NRXN1: variants seen among roughly 807,000 people sequenced by gnomAD.
NRXN1 encodes the protein neurexin 1, also known as neurexin-1.
A neutral mutation model predicts 150.9 loss-of-function variants in NRXN1; 39 were observed. That is an observed-to-expected ratio of 0.26 (90% CI 0.20 to 0.34). The LOEUF is 0.34. NRXN1 is among the 10% of genes least tolerant of loss of function. The pLI is 1.00. For synonymous variants in NRXN1, 924 were observed against 757.0 expected (o/e 1.22, Z -3.62); for missense variants, 1,815 against 1,949.9 (o/e 0.93, Z 1.30).
At chr2:50,829,968 C>T (rs568101044) in intron 5 of NRXN1, among the ~76,000 whole-genome samples, 24 of 120,330 alleles carry the variant, frequency 2.0e-4, no homozygotes, top group East Asian at 7.6e-4. Context: ...CAGGAGAAAC[C>T]GCACAGGAAC....
At chr2:50,086,508 C>T (rs1377625530) in intron 19 of NRXN1, among the ~76,000 whole-genome samples, 1 of 152,014 alleles carries the variant, frequency 6.6e-6, no homozygotes, top group African/African-American at 2.4e-5. Flanking sequence ...TCCTCTTATC[C>T]CTAAAGGATC....
intron 2 of NRXN1, chr2:51,026,252 G>A (rs752865246): frequency 8.4e-5 from 58 of 686,580 alleles, no homozygotes; most frequent in Middle Eastern, 2.4e-4. Context: ...ACCCATTTCA[G>A]CCACAAATGC....
At chr2:50,521,987 C>T (rs1035093429) in intron 12 of NRXN1, among the ~76,000 whole-genome samples, 4 of 151,506 alleles carry the variant, frequency 2.6e-5, no homozygotes, top group African/African-American at 9.7e-5. Context: ...GTCGAATATA[C>T]AACATATAGA....
chr2:50,448,082 C>T (rs1008167534), intron 17 of NRXN1, among the ~76,000 whole-genome samples: 1 of 151,874 alleles, frequency 6.6e-6, no homozygotes, highest in East Asian at 1.9e-4. Context: ...TTCTCTACTC[C>T]GTGCTATTAA....
chr2:50,812,439 A>C (rs747927570), intron 5 of NRXN1, among the ~76,000 whole-genome samples: 5 of 152,188 alleles, frequency 3.3e-5, no homozygotes, highest in Non-Finnish European at 7.4e-5. Context: ...AGCATTATGC[A>C]AAGGCATAGA....
At chr2:50,711,169 A>T (rs1695088326) in intron 5 of NRXN1, among the ~76,000 whole-genome samples, 1 of 152,094 alleles carries the variant, frequency 6.6e-6, no homozygotes, top group African/African-American at 2.4e-5. Flanking sequence ...GGCTCTATCT[A>T]AACCAGTGGC....
At chr2:50,638,645 T>C (rs566101553) in intron 5 of NRXN1, among the ~76,000 whole-genome samples, 119 of 152,282 alleles carry the variant, frequency 7.8e-4, no homozygotes, top group African/African-American at 2.7e-3. Context: ...CAGGCTCCAA[T>C]TGCTTTTTTT....
intron 18 of NRXN1, among the ~76,000 whole-genome samples, chr2:50,143,264 G>A (rs1304243967): frequency 6.6e-6 from 1 of 151,802 alleles, no homozygotes; most frequent in Non-Finnish European, 1.5e-5. Flanking sequence ...TATGCAAAGG[G>A]ACATGCAGAA....
At chr2:50,517,204 G>A (rs559432183) in intron 12 of NRXN1, among the ~76,000 whole-genome samples, 107 of 152,014 alleles carry the variant, frequency 7.0e-4, no homozygotes, top group African/African-American at 2.4e-3. Flanking sequence ...TCTTAATAAC[G>A]CAAGAAGCTT....
At chr2:50,372,547 G>C (rs1003955559) in intron 17 of NRXN1, among the ~76,000 whole-genome samples, 2 of 151,978 alleles carry the variant, frequency 1.3e-5, no homozygotes, top group African/African-American at 4.8e-5. Context: ...TTTGCCCAGA[G>C]GTTGAGTCAG....
chr2:50,465,603 T>A (rs754363536), intron 16 of NRXN1, 42 bp from the exon 17 acceptor site: 11 of 1,550,132 alleles, frequency 7.1e-6, no homozygotes, highest in Non-Finnish European at 9.6e-6. Context: ...TTTAAAAGAA[T>A]CCAAAAGCAT....
At position 50,201,311 on chromosome 2, in the gene NRXN1, A is replaced by C. The variant is rs372854895; in HGVS notation, c.3546+35478T>G. ...AGAGTTCTAAAAAGACTTGACACTA[A>C]GACCTTACCTCAAAATCCATTAAAC... On this transcript the variant is annotated intron_variant, in intron 18 of 22. Coordinates refer to ENST00000401669, the MANE Select transcript of NRXN1 (RefSeq NM_001330078.2). Among the ~76,000 whole-genome samples the C allele has an allele frequency of 3.9e-5, 6 of 152,300 alleles. No individual in the cohort carries two copies. The East Asian group carries it at 7.7e-4, about 20-fold the overall frequency.
chr2:50,233,408 T>C (rs372363025), intron 18 of NRXN1, among the ~76,000 whole-genome samples: 2 of 152,042 alleles, frequency 1.3e-5, no homozygotes, highest in African/African-American at 4.8e-5. Flanking sequence ...TTTTTAAAAA[T>C]CCAACATTTT....
At chr2:50,607,481 G>A (rs1677325712) in intron 8 of NRXN1, among the ~76,000 whole-genome samples, 1 of 152,024 alleles carries the variant, frequency 6.6e-6, no homozygotes, top group South Asian at 2.1e-4. Flanking sequence ...TTATATCCAA[G>A]GAAGAGTTTA....
chr2:50,032,171 A>G (rs1689272265), intron 21 of NRXN1, among the ~76,000 whole-genome samples: 1 of 152,080 alleles, frequency 6.6e-6, no homozygotes, highest in African/African-American at 2.4e-5. Flanking sequence ...ATGATTCTAA[A>G]TATACTGAAA....
At chr2:50,392,531 G>A (rs556129056) in intron 17 of NRXN1, among the ~76,000 whole-genome samples, 10 of 152,200 alleles carry the variant, frequency 6.6e-5, no homozygotes, top group Non-Finnish European at 1.3e-4. Context: ...ACAAAGATAT[G>A]CAAATATTAA....
chr2:50,469,414 G>T (rs955281680), intron 16 of NRXN1, among the ~76,000 whole-genome samples: 26 of 151,550 alleles, frequency 1.7e-4, no homozygotes, highest in Admixed American at 1.6e-3. Flanking sequence ...AGAGGTGTGT[G>T]GGTGTATTGG....
intron 2 of NRXN1, among the ~76,000 whole-genome samples, chr2:51,023,149 T>C (rs140971714): frequency 6.0e-4 from 92 of 152,340 alleles, no homozygotes; most frequent in East Asian, 3.9e-3. Context: ...TGATGTTGAC[T>C]GACAAACAGA....
intron 2 of NRXN1, among the ~76,000 whole-genome samples, chr2:50,973,135 T>A (rs1427598388): frequency 6.6e-6 from 1 of 152,170 alleles, no homozygotes; most frequent in Non-Finnish European, 1.5e-5. Flanking sequence ...AGCTATAGAA[T>A]GTATTATACC....
Sources: gnomAD v4.1 joint callset for allele counts (sites outside exome capture counted in the v4.1 genomes callset) on GRCh38, gnomAD v4.1.1 for gene constraint, MANE v1.5 for transcripts, NCBI Gene and HGNC (gene_info 2026-07-23, HGNC 2026-07-21) for gene names.